ITPR1: variants seen among roughly 807,000 people sequenced by gnomAD.
The protein encoded by ITPR1 is inositol 1,4,5-trisphosphate-gated calcium channel ITPR1.
A neutral mutation model predicts 318.4 loss-of-function variants in ITPR1; 96 were observed. That is an observed-to-expected ratio of 0.30 (90% CI 0.26 to 0.36). The LOEUF (loss-of-function observed/expected upper bound fraction) is 0.36, where lower values mean the gene tolerates loss of function less well. ITPR1 is among the 10% of genes least tolerant of loss of function. The pLI is 1.00. For missense variants in ITPR1, 2,440 were observed against 3,460.2 expected, an observed-to-expected ratio of 0.71 and a Z score of 7.40; for synonymous variants, 1,312 against 1,289.9, an observed-to-expected ratio of 1.02 and a Z score of -0.37.
At chr3:4,725,468 G>C (rs2042442897) in intron 40 of ITPR1, 78 bp from the exon 41 acceptor site, 6 of 1,183,974 alleles carry the variant, frequency 5.1e-6, no homozygotes, top group Middle Eastern at 1.9e-4. Flanking sequence ...TTGTCCTTGA[G>C]TGTTGGTCTC....
chr3:4,516,618 G>A, intron 3 of ITPR1, 35 bp downstream of exon 3: 4 of 1,261,282 alleles, frequency 3.2e-6, no homozygotes, highest in Non-Finnish European at 4.6e-6. Context: ...GGCACGGTTT[G>A]TTTAAGACAT....
chr3:4,641,780 G>C (rs2093344804), intron 6 of ITPR1, among the ~76,000 whole-genome samples: 1 of 152,184 alleles, frequency 6.6e-6, no homozygotes, highest in Admixed American at 6.5e-5. Flanking sequence ...GTTCACATAG[G>C]GCTAGGTCCA....
chr3:4,653,809 T>C (rs1317200186), intron 11 of ITPR1, 33 bp from the exon 12 acceptor site: 1 of 1,554,304 alleles, frequency 6.4e-7, no homozygotes, highest in Admixed American at 1.7e-5. Context: ...AAGCAATGGA[T>C]GTTTTAATTT....
intron 42 of ITPR1, among the ~76,000 whole-genome samples, chr3:4,732,486 GTTT>G (rs59298980): frequency 6.6e-6 from 1 of 151,648 alleles, no homozygotes; most frequent in Non-Finnish European, 1.5e-5. Context: ...CCTATGTTGG[GTTT>G]TTTTTTATAT....
intron 57 of ITPR1, among the ~76,000 whole-genome samples, chr3:4,813,978 T>G (rs1055977184): frequency 4.6e-5 from 7 of 152,224 alleles, no homozygotes; most frequent in Admixed American, 4.6e-4. Context: ...GTAAAGCAGT[T>G]GATCCAGAGG....
chr3:4,650,166 G>A (rs1415138215), intron 10 of ITPR1, among the ~76,000 whole-genome samples: 1 of 152,196 alleles, frequency 6.6e-6, no homozygotes, highest in African/African-American at 2.4e-5. Context: ...TTTGGCTCCT[G>A]TGAATAAGTC....
Position 4,783,840 on chromosome 3 carries a change from C to T in ITPR1, c.6535C>T (p.Gln2179Ter). 6.2e-7 allele frequency: 1 copy of T among 1,607,970 alleles called. No individual in the cohort carries two copies. The highest frequency in any genetic ancestry group is 8.5e-7 in the Non-Finnish European group (1 of 1,177,268). Residue 2179 changes from glutamine (Q) to a stop codon, truncating the protein, a stop_gained, in exon 51 of 62, where the codon CAG (glutamine) becomes TAG (stop). Transcript: ENST00000649015. LOFTEE classifies it high-confidence loss of function. ...HQLARHNKEL[Q>*]SMLKPGGQVD... is the part of the protein sequence containing the mutation. ...GTTGGCTCGGCATAACAAAGAACTT[C>T]AGAGCATGCTGAAACCTGGTGGCCA...
intron 55 of ITPR1, 77 bp downstream of exon 55, chr3:4,806,344 C>A: frequency 7.2e-7 from 1 of 1,383,880 alleles, no homozygotes; most frequent in Non-Finnish European, 1.0e-6. Flanking sequence ...TCATCACAGA[C>A]CCTTCCTTTT....
intron 55 of ITPR1, among the ~76,000 whole-genome samples, chr3:4,810,884 A>G (rs139378188): frequency 3.3e-4 from 51 of 152,342 alleles, no homozygotes; most frequent in African/African-American, 1.2e-3. Context: ...GGCAGGGACC[A>G]GGGTGGCTGG....
At position 4,727,004 on chromosome 3, in the gene ITPR1, TCTC is replaced by T. The variant is rs2042565562; in HGVS notation, c.5173-119_5173-117del. The T allele has an allele frequency of 5.1e-6, 4 of 788,608 alleles. No individual in the cohort carries two copies. In the Admixed American group the frequency reaches 8.7e-5, roughly 17 times the overall value. 48.9% of individuals were successfully genotyped at this position (788,608 alleles called of 1,614,324 possible). On this transcript the variant is annotated intron_variant, in intron 41 of 61. Transcript: ENST00000649015. Reference sequence around the variant, plus strand: ...GGGAAAAACAAAAATCCAGACCTATTCTCCTTTTGTGTAACTCTTGTCTATATA... The same window carrying T: ...GGGAAAAACAAAAATCCAGACCTATTCTTTTGTGTAACTCTTGTCTATATA...
chr3:4,650,547 G>A (rs1259896560), intron 10 of ITPR1, among the ~76,000 whole-genome samples: 2 of 150,962 alleles, frequency 1.3e-5, no homozygotes, highest in Non-Finnish European at 1.5e-5. Flanking sequence ...AACCTCAGCT[G>A]CTGTAAAGAT....
rs116333499 is a variant in ITPR1, at chr3:4,735,121, T to C, written c.5354-43T>C. 1.0e-3 allele frequency: 1,556 copies of C among 1,488,720 alleles called. 12 individuals carry two copies. The African/African-American group carries it at 0.019, about 18-fold the overall frequency. The allele number at this position is 1,488,720 out of a possible 1,614,324, so 92.2% of individuals were successfully genotyped here. ...TAGTAAGTATGCAGCAAACATTAGC[T>C]GTTCTGATTGTGCTTAGTAAAAACA... On this transcript the variant is annotated intron_variant, in intron 43 of 61. Transcript: ENST00000649015.
chr3:4,546,318 G>A (rs1237172469), intron 4 of ITPR1, among the ~76,000 whole-genome samples: 1 of 152,132 alleles, frequency 6.6e-6, no homozygotes, highest in Non-Finnish European at 1.5e-5. Context: ...ACTCGAACCT[G>A]TCATCTGCTT....
intron 4 of ITPR1, among the ~76,000 whole-genome samples, chr3:4,610,324 C>G (rs1324610560): frequency 1.3e-5 from 2 of 152,120 alleles, no homozygotes; most frequent in African/African-American, 4.8e-5. Context: ...GTTTTATTGA[C>G]TTTGTATCTG....
At chr3:4,526,074 C>A (rs769478292) in intron 4 of ITPR1, among the ~76,000 whole-genome samples, 33 of 152,220 alleles carry the variant, frequency 2.2e-4, no homozygotes, top group Non-Finnish European at 4.4e-4. Flanking sequence ...CAGGCTCTTG[C>A]TTTCAAAACC....
Position 4,578,267 on chromosome 3 carries a change from T to C in ITPR1, c.164-49496T>C, listed in dbSNP as rs569925257. ...AAGATTCTATAGAAAACATTTTTTT[T>C]CTGCCACTTTTTTTATTTTTTGGTT... On this transcript the variant is annotated intron_variant, in intron 4 of 61. Coordinates refer to ENST00000649015, the MANE Select transcript of ITPR1 (RefSeq NM_001378452.1). 2.4e-4 allele frequency among the ~76,000 whole-genome samples: 37 copies of C among 152,372 alleles called. No homozygotes were observed. In the South Asian group the frequency reaches 7.5e-3, roughly 31 times the overall value.
At chr3:4,641,208 A>G (rs1338528299) in intron 6 of ITPR1, among the ~76,000 whole-genome samples, 1 of 152,146 alleles carries the variant, frequency 6.6e-6, no homozygotes, top group African/African-American at 2.4e-5. Context: ...AGCCTTGGCC[A>G]ACTCTTTCTG....
intron 4 of ITPR1, among the ~76,000 whole-genome samples, chr3:4,579,938 C>T (rs1462984075): frequency 2.0e-5 from 3 of 152,104 alleles, no homozygotes; most frequent in Non-Finnish European, 2.9e-5. Context: ...TAGCCAGGTG[C>T]GGTGGCTCAC....
chr3:4,843,219 G>C (rs1364833693), intron 61 of ITPR1, among the ~76,000 whole-genome samples: 1 of 151,818 alleles, frequency 6.6e-6, no homozygotes, highest in Non-Finnish European at 1.5e-5. Flanking sequence ...CAGCCATTCT[G>C]TCTAAAAGGC....
Sources: gnomAD v4.1 joint callset for allele counts (sites outside exome capture counted in the v4.1 genomes callset) on GRCh38, gnomAD v4.1.1 for gene constraint, MANE v1.5 for transcripts, NCBI Gene and HGNC (gene_info 2026-07-23, HGNC 2026-07-21) for gene names.